TRABD2B: variants seen among roughly 807,000 people sequenced by gnomAD.
TRABD2B encodes the protein metalloprotease TIKI2.
A neutral mutation model predicts 40.1 loss-of-function variants in TRABD2B; 14 were observed. The ratio of observed to expected loss-of-function variants is 0.35; its 90% CI spans 0.23 to 0.55. The LOEUF is 0.55. Ranked by LOEUF, TRABD2B falls within the 20% of genes least tolerant of loss-of-function variation. The probability of loss-of-function intolerance (pLI) is 0.90; values close to 1 mark genes in which losing one functional copy is unlikely to be tolerated. For missense variants in TRABD2B, 541 were observed against 648.6 expected, an observed-to-expected ratio of 0.83 and a Z score of 1.80; for synonymous variants, 263 against 277.0, an observed-to-expected ratio of 0.95 and a Z score of 0.50.
chr1:47,843,455 T>C (rs566885234), intron 2 of TRABD2B, among the ~76,000 whole-genome samples: 2 of 152,310 alleles, frequency 1.3e-5, no homozygotes, highest in East Asian at 3.9e-4. Context: ...CCTGAGCAAC[T>C]GTCGGAGTGG....
chr1:47,839,961 C>T (rs1645373321), intron 2 of TRABD2B, among the ~76,000 whole-genome samples: 1 of 152,164 alleles, frequency 6.6e-6, no homozygotes, highest in African/African-American at 2.4e-5. Context: ...CTGTCATCAG[C>T]CTTTCTGTAG....
At chr1:47,891,079 T>A (rs1644438738) in intron 2 of TRABD2B, among the ~76,000 whole-genome samples, 1 of 152,236 alleles carries the variant, frequency 6.6e-6, no homozygotes, top group South Asian at 2.1e-4. Flanking sequence ...GACAAGTTGC[T>A]TAATCTCTGC....
intron 2 of TRABD2B, among the ~76,000 whole-genome samples, chr1:47,861,382 CAAT>C (rs1643968229): frequency 1.3e-5 from 2 of 152,012 alleles, no homozygotes; most frequent in Admixed American, 1.3e-4. Context: ...CACCCTGCAA[CAAT>C]GATTATCCTT....
chr1:47,833,877 T>C (rs1261876045), intron 2 of TRABD2B, among the ~76,000 whole-genome samples: 1 of 152,272 alleles, frequency 6.6e-6, no homozygotes, highest in African/African-American at 2.4e-5. Context: ...ATAAGCTTTT[T>C]CAGAACTCTG....
chr1:47,985,715 A>G (rs1367869529), intron 2 of TRABD2B, among the ~76,000 whole-genome samples: 2 of 152,260 alleles, frequency 1.3e-5, no homozygotes, highest in African/African-American at 2.4e-5. Context: ...AACAATGCTA[A>G]AAGCCAATTA....
rs540386660 is a variant in TRABD2B at position 47,817,208 on chromosome 1, C to T, written c.667-15589G>A. 8.5e-5 allele frequency among the ~76,000 whole-genome samples: 13 copies of T among 152,122 alleles called. No homozygotes were observed. In the South Asian group the frequency reaches 2.7e-3, roughly 32 times the overall value. On this transcript the variant is annotated intron_variant, in intron 2 of 6. Coordinates refer to ENST00000606738, the MANE Select transcript of TRABD2B (RefSeq NM_001194986.2). Reference sequence around the variant, plus strand: ...CCTCCAGAGGCCATGTTTTCCATCCCCCCCAACACCCCTGCCCCAGCTCCT... The same window carrying T: ...CCTCCAGAGGCCATGTTTTCCATCCTCCCCAACACCCCTGCCCCAGCTCCT...
chr1:47,887,143 T>C (rs1024118788), intron 2 of TRABD2B, among the ~76,000 whole-genome samples: 1 of 152,196 alleles, frequency 6.6e-6, no homozygotes, highest in Non-Finnish European at 1.5e-5. Context: ...ATTCCATTTC[T>C]GAGCAGGCCA....
intron 2 of TRABD2B, among the ~76,000 whole-genome samples, chr1:47,866,428 A>G (rs965229688): frequency 1.3e-5 from 2 of 152,134 alleles, no homozygotes; most frequent in African/African-American, 2.4e-5. Context: ...CCATTTCTCT[A>G]CACCCTACCC....
intron 2 of TRABD2B, among the ~76,000 whole-genome samples, chr1:47,892,208 G>T (rs1644457519): frequency 6.6e-6 from 1 of 152,228 alleles, no homozygotes; most frequent in African/African-American, 2.4e-5. Context: ...CTGTCTGTAG[G>T]ATGTAGACAT....
chr1:47,798,150 G>A lies in TRABD2B; in HGVS notation c.813+3323C>T, dbSNP rs1376569307. Reference sequence around the variant, plus strand: ...AGACTGATGGGGGAGTCACATATGCGCACAAGAACACTGATGGATATGCGC... The same window carrying A: ...AGACTGATGGGGGAGTCACATATGCACACAAGAACACTGATGGATATGCGC... On this transcript the variant is annotated intron_variant, in intron 3 of 6. Transcript: ENST00000606738. Among the ~76,000 whole-genome samples the A allele has an allele frequency of 3.3e-5, 5 of 152,142 alleles. No individual in the cohort carries two copies. The East Asian group carries it at 5.8e-4, about 18-fold the overall frequency.
intron 4 of TRABD2B, among the ~76,000 whole-genome samples, chr1:47,781,929 T>G (rs912773846): frequency 6.6e-6 from 1 of 152,336 alleles, no homozygotes; most frequent in African/African-American, 2.4e-5. Flanking sequence ...CTCTCTGTAC[T>G]TCTCTCACTG....
chr1:47,769,445 G>A (rs771346290), intron 6 of TRABD2B, among the ~76,000 whole-genome samples: 2 of 152,200 alleles, frequency 1.3e-5, no homozygotes, highest in African/African-American at 2.4e-5. Flanking sequence ...GAAAACTCCC[G>A]CTTGGAGCCT....
intron 2 of TRABD2B, among the ~76,000 whole-genome samples, chr1:47,971,400 T>C (rs1024144158): frequency 6.6e-6 from 1 of 152,198 alleles, no homozygotes; most frequent in East Asian, 1.9e-4. Context: ...CAGCCTTGGG[T>C]ATAGTTATAA....
intron 2 of TRABD2B, among the ~76,000 whole-genome samples, chr1:47,939,875 T>C (rs975645263): frequency 2.0e-5 from 3 of 152,168 alleles, no homozygotes; most frequent in African/African-American, 7.2e-5. Flanking sequence ...CTTACTGGCC[T>C]TCCTGCCTCT....
At chr1:47,807,371 A>G (rs1644906442) in intron 2 of TRABD2B, among the ~76,000 whole-genome samples, 1 of 152,234 alleles carries the variant, frequency 6.6e-6, no homozygotes, top group Admixed American at 6.5e-5. Context: ...CCCTGAGATT[A>G]AAGTCAATGG....
intron 2 of TRABD2B, among the ~76,000 whole-genome samples, chr1:47,826,336 G>T (rs908387178): frequency 1.3e-5 from 2 of 151,974 alleles, no homozygotes; most frequent in African/African-American, 4.8e-5. Context: ...TTTAAGTGGG[G>T]TGCAAATCTG....
At chr1:47,910,371 C>G (rs1407216702) in intron 2 of TRABD2B, among the ~76,000 whole-genome samples, 1 of 152,242 alleles carries the variant, frequency 6.6e-6, no homozygotes, top group Admixed American at 6.5e-5. Context: ...TTCCTGACTA[C>G]TCAGCCAGGA....
At chr1:47,822,400 C>G (rs1032134962) in intron 2 of TRABD2B, among the ~76,000 whole-genome samples, 3 of 152,228 alleles carry the variant, frequency 2.0e-5, no homozygotes, top group African/African-American at 7.2e-5. Flanking sequence ...TCTTGGGACT[C>G]AAACAGGCTT....
intron 2 of TRABD2B, among the ~76,000 whole-genome samples, chr1:47,831,422 A>T (rs1557599915): frequency 6.6e-6 from 1 of 152,150 alleles, no homozygotes; most frequent in Non-Finnish European, 1.5e-5. Flanking sequence ...CTGCGGGCGC[A>T]GTGTGAACGT....
Sources: gnomAD v4.1 joint callset for allele counts (sites outside exome capture counted in the v4.1 genomes callset) on GRCh38, gnomAD v4.1.1 for gene constraint, MANE v1.5 for transcripts, NCBI Gene and HGNC (gene_info 2026-07-23, HGNC 2026-07-21) for gene names.